The following BAG5 variants were observed in gnomAD, a reference collection of about 807,000 sequenced individuals.
BAG5 encodes the protein BAG family molecular chaperone regulator 5.
Under a neutral mutation model 31.8 loss-of-function variants are expected in BAG5, and 25 were observed. The ratio of observed to expected loss-of-function variants is 0.79; its 90% CI spans 0.57 to 1.10. The LOEUF (loss-of-function observed/expected upper bound fraction) is 1.10, where lower values mean the gene tolerates loss of function less well. Among genes scored for constraint, BAG5 ranks in the 50% least tolerant of loss-of-function variants. BAG5 has a pLI of 0.00. For missense variants in BAG5, 491 were observed against 527.9 expected (o/e 0.93, Z 0.68); for synonymous variants, 208 against 205.0 (o/e 1.01, Z -0.13).
rs375861045 is a variant in BAG5 at position 103,560,028 on chromosome 14, G to A, written c.1137C>T (p.Ile379=). ...CATCAAATGAAAGAACTTCTCCCTG[G>A]ATCTCAGACAAGTTTCCAAGGACGT... ...VWNVLGNLSE[I]QGEVLSFDGN... Residue 379 remains isoleucine (I), a synonymous_variant, in exon 2 of 2, where the codon ATC becomes ATT. Coordinates refer to ENST00000299204, the MANE Select transcript of BAG5 (RefSeq NM_001015048.3). 8 of 1,614,068 alleles carry A rather than the reference G, an allele frequency of 5.0e-6. No individual in the cohort carries two copies. In the African/African-American group the frequency reaches 1.1e-4, roughly 22 times the overall value.
At position 103,560,286 on chromosome 14, in the gene BAG5, A is replaced by G; in HGVS notation, c.879T>C (p.Leu293=). ...ATTCAGAAGGGTTTTGTGCTTGGAG[A>G]AGTTCATTTTTTATTTCTCTCATTC... ...LKRMREIKNE[L]LQAQNPSELY... is the part of the protein sequence containing the mutation. Residue 293 remains leucine, a synonymous_variant, in exon 2 of 2, where the codon CTT becomes CTC. Coordinates refer to ENST00000299204, the MANE Select transcript of BAG5 (RefSeq NM_001015048.3). 1 of 1,613,998 alleles carries G rather than the reference A, an allele frequency of 6.2e-7. No individual in the cohort carries two copies. Among genetic ancestry groups the G allele is most frequent in the Non-Finnish European group, 8.5e-7 (1 of 1,180,004 alleles).
At position 103,558,737 on chromosome 14, in the gene BAG5, T is replaced by C. The variant is rs1294940196; in HGVS notation, c.*1084A>G. On this transcript the variant is annotated 3_prime_UTR_variant, in exon 2 of 2. Transcript: ENST00000299204. ...ATTGGTCCTGGAGCAGGTGTAGTTA[T>C]GACATTTACTAAGTGAGTGGTTAAC... The C allele has an allele frequency of 6.6e-6, 1 of 152,212 alleles. No homozygotes were observed. The highest frequency in any genetic ancestry group is 1.5e-5 in the Non-Finnish European group (1 of 68,046). 9.4% of individuals were successfully genotyped at this position (152,212 alleles called of 1,614,324 possible).
At chr14:103,561,600 T>A (rs2076075295) in intron 1 of BAG5, among the ~76,000 whole-genome samples, 1 of 152,192 alleles carries the variant, frequency 6.6e-6, no homozygotes, top group Non-Finnish European at 1.5e-5. Context: ...CCAGAAACTC[T>A]AAGCAAAAGA....
chr14:103,560,125 T>G lies in BAG5; in HGVS notation c.1040A>C (p.Asp347Ala). 6.2e-7 allele frequency: 1 copy of G among 1,614,104 alleles called. No individual in the cohort carries two copies. Among genetic ancestry groups the G allele is most frequent in the Non-Finnish European group, 8.5e-7 (1 of 1,180,032 alleles). Residue 347 changes from aspartate (D) to alanine (A), a missense_variant, in exon 2 of 2, where the codon GAC (aspartate) becomes GCC (alanine). Physicochemically the swap from Asp to Ala is moderately radical, Grantham distance 126. Coordinates refer to ENST00000299204, the MANE Select transcript of BAG5 (RefSeq NM_001015048.3). ...TCTTTTCTCAAGGGCCTCCTTCAAG[T>G]CAATATATGTGATCAGAGTTTGCAC... is the stretch of plus-strand genomic sequence containing the variant. Reference protein sequence around the residue: ...IEVQTLITYIDLKEALEKRKL... With the variant: ...IEVQTLITYIALKEALEKRKL...
At chr14:103,562,551 G>A (rs2076087858) in intron 1 of BAG5, 65 bp downstream of exon 1, 1 of 158,642 alleles carries the variant, frequency 6.3e-6, no homozygotes, top group Non-Finnish European at 1.4e-5. Flanking sequence ...GGAGCCCCGC[G>A]CGGAGGTGGT....
Position 103,559,755 on chromosome 14 carries a change from A to G in BAG5, c.*66T>C. On this transcript the variant is annotated 3_prime_UTR_variant, in exon 2 of 2. Coordinates refer to ENST00000299204, the MANE Select transcript of BAG5 (RefSeq NM_001015048.3). ...ATGCACGTATAAATCAATGAACTGA[A>G]AGCTCTCTATACATAGAAGCACATA... is the stretch of plus-strand genomic sequence containing the variant. 2.0e-6 allele frequency: 3 copies of G among 1,521,434 alleles called. No individual in the cohort carries two copies. Among genetic ancestry groups the G allele is most frequent in the Non-Finnish European group, 2.6e-6 (3 of 1,133,622 alleles). 94.2% of individuals were successfully genotyped at this position (1,521,434 alleles called of 1,614,324 possible). A position where few individuals can be genotyped will look rare whatever the true frequency, so the allele number is the denominator to read the frequency against.
chr14:103,559,226 C>T lies in BAG5; in HGVS notation c.*595G>A, dbSNP rs1406470655. 6.6e-6 allele frequency: 1 copy of T among 152,038 alleles called. No homozygotes were observed. The highest frequency in any genetic ancestry group is 2.4e-5 in the African/African-American group (1 of 41,358). 9.4% of individuals were successfully genotyped at this position (152,038 alleles called of 1,614,324 possible). ...ACAAAAACAAGATTCCTCTCTAAAA[C>T]GTAGAGGATGGGGAAAATGCAGATG... On this transcript the variant is annotated 3_prime_UTR_variant, in exon 2 of 2. Coordinates refer to ENST00000299204, the MANE Select transcript of BAG5 (RefSeq NM_001015048.3).
In BAG5 at chr14:103,558,661, T is replaced by C. The variant is rs1409030018; in HGVS notation, c.*1160A>G. 1 of 152,162 alleles carries C rather than the reference T, an allele frequency of 6.6e-6. No homozygotes were observed. Among genetic ancestry groups the C allele is most frequent in the Non-Finnish European group, 1.5e-5 (1 of 68,034 alleles). The allele number at this position is 152,162 out of a possible 1,614,324, so 9.4% of individuals were successfully genotyped here. On this transcript the variant is annotated 3_prime_UTR_variant, in exon 2 of 2. Transcript: ENST00000299204. ...CCACATGCCCATGACATGAGCTCAG[T>C]TGTTCAGCAGGCACCCAGAGGAAGC...
chr14:103,560,780 C>A lies in BAG5; in HGVS notation c.385G>T (p.Asp129Tyr). The A allele has an allele frequency of 6.2e-7, 1 of 1,614,110 alleles. No individual in the cohort carries two copies. The change falls in exon 2 of 2, where the codon GAT becomes TAT. Residue 129 changes from aspartate (D) to tyrosine (Y), a missense_variant. Asp to Tyr is a radical substitution (Grantham distance 160). Transcript: ENST00000299204. ...VTDEFEEGIQ[D>Y]IILRLTHVKT... is the part of the protein sequence containing the mutation. The stretch of plus-strand genomic sequence containing the variant: ...ACATGTGTCAGCCTCAGAATGATAT[C>A]TTGGATGCCTTCTTCAAACTCATCA...
chr14:103,561,990 T>G (rs2076080435), intron 1 of BAG5: 1 of 1,613,618 alleles, frequency 6.2e-7, no homozygotes, highest in African/African-American at 1.3e-5. Flanking sequence ...TCAAGGTGGG[T>G]AACCAATGGA....
chr14:103,562,173 A>G (rs765675490), intron 1 of BAG5: 155 of 619,234 alleles, frequency 2.5e-4, no homozygotes, highest in Middle Eastern at 4.3e-4. Flanking sequence ...TCAGCCCTTT[A>G]CGGGGTGCGG....
chr14:103,560,982 T>C lies in BAG5; in HGVS notation c.183A>G (p.Lys61=), dbSNP rs1285088199. Reference sequence around the variant, plus strand: ...GCTTCCTAGCTTGCTGAATATCTCCTTTTCCTTCAGTATCTACAGAGTCTA... The same window carrying C: ...GCTTCCTAGCTTGCTGAATATCTCCCTTTCCTTCAGTATCTACAGAGTCTA... The part of the protein sequence containing the change: ...FEIDSVDTEG[K]GDIQQARKRA... The change falls in exon 2 of 2, where the codon AAA becomes AAG. Residue 61 remains lysine (K), a synonymous_variant. Coordinates refer to ENST00000299204, the MANE Select transcript of BAG5 (RefSeq NM_001015048.3). 6.2e-7 allele frequency: 1 copy of C among 1,613,964 alleles called. No homozygotes were observed. Among genetic ancestry groups the C allele is most frequent in the Non-Finnish European group, 8.5e-7 (1 of 1,179,966 alleles).
Position 103,559,701 on chromosome 14 carries a change from G to T in BAG5, c.*120C>A. 1 of 1,196,142 alleles carries T rather than the reference G, an allele frequency of 8.4e-7. No individual in the cohort carries two copies. The highest frequency in any genetic ancestry group is 1.2e-6 in the Non-Finnish European group (1 of 861,142). The allele number at this position is 1,196,142 out of a possible 1,614,324, so 74.1% of individuals were successfully genotyped here. On this transcript the variant is annotated 3_prime_UTR_variant, in exon 2 of 2. Coordinates refer to ENST00000299204, the MANE Select transcript of BAG5 (RefSeq NM_001015048.3). The stretch of plus-strand genomic sequence containing the variant: ...AAGCAGCAGATACTGAATAGAATTT[G>T]CTTCAATCATAAATACTGAGACTGA...
chr14:103,561,261 G>A (rs2076071698), intron 1 of BAG5, 69 bp from the exon 2 acceptor site: 5 of 1,444,112 alleles, frequency 3.5e-6, no homozygotes, highest in African/African-American at 2.8e-5. Flanking sequence ...GGTATATTAA[G>A]TCATTCTAAA....
At chr14:103,561,786 A>C in intron 1 of BAG5, 21 of 657,878 alleles carry the variant, frequency 3.2e-5, no homozygotes, top group Non-Finnish European at 4.6e-5. Context: ...AGCGACCGGG[A>C]CAGCGCTGAA....
chr14:103,562,196 G>A (rs556096722), intron 1 of BAG5: 2 of 595,666 alleles, frequency 3.4e-6, no homozygotes, highest in East Asian at 2.8e-5. Flanking sequence ...CCGGAGCTGG[G>A]CCCCCAGCTG....
rs2076041119 is a variant in BAG5, at chr14:103,556,713, T to C, written c.*3108A>G. On this transcript the variant is annotated 3_prime_UTR_variant, in exon 2 of 2. Transcript: ENST00000299204. ...CCAATGTACTGGAAAAACACACTTG[T>C]ATTATATGTAAAAATCGATGGCCAA... 3 of 152,008 alleles carry C rather than the reference T, an allele frequency of 2.0e-5. No individual in the cohort carries two copies. 9.4% of individuals were successfully genotyped at this position (152,008 alleles called of 1,614,324 possible).
rs994373458 is a variant in BAG5, at chr14:103,557,652, C to T, written c.*2169G>A. On this transcript the variant is annotated 3_prime_UTR_variant, in exon 2 of 2. Coordinates refer to ENST00000299204, the MANE Select transcript of BAG5 (RefSeq NM_001015048.3). The stretch of plus-strand genomic sequence containing the variant: ...ACTCTGGGGAAGAATATGCCTGAAG[C>T]GTAACCATGATTTCCCAGTGGTATA... The T allele has an allele frequency of 2.6e-5, 4 of 152,136 alleles. No homozygotes were observed. Among genetic ancestry groups the T allele is most frequent in the African/African-American group, 9.7e-5 (4 of 41,418 alleles). 9.4% of individuals were successfully genotyped at this position (152,136 alleles called of 1,614,324 possible).
chr14:103,561,232 G>A lies in BAG5; in HGVS notation c.-28-40C>T, dbSNP rs189484565. 131 of 1,527,622 alleles carry A rather than the reference G, an allele frequency of 8.6e-5. No homozygotes were observed. In the African/African-American group the frequency reaches 1.7e-3, roughly 20 times the overall value. The allele number at this position is 1,527,622 out of a possible 1,614,324, so 94.6% of individuals were successfully genotyped here. A position where few individuals can be genotyped will look rare whatever the true frequency, so the allele number is the denominator to read the frequency against. On this transcript the variant is annotated intron_variant, in intron 1 of 1. Coordinates refer to ENST00000299204, the MANE Select transcript of BAG5 (RefSeq NM_001015048.3). Reference sequence around the variant, plus strand: ...GAATGATAACTTACTACAGCACAAGGCTTCTGCAGAACACTAATGGTATAT... The same window carrying A: ...GAATGATAACTTACTACAGCACAAGACTTCTGCAGAACACTAATGGTATAT...
Sources: gnomAD v4.1 joint callset for allele counts (sites outside exome capture counted in the v4.1 genomes callset) on GRCh38, gnomAD v4.1.1 for gene constraint, MANE v1.5 for transcripts, NCBI Gene and HGNC (gene_info 2026-07-23, HGNC 2026-07-21) for gene names.